Variants in LURAP1L observed in about 807,000 individuals in gnomAD.
LURAP1L encodes the protein leucine rich adaptor protein 1 like.
In LURAP1L, 12 loss-of-function variants were observed where a neutral mutation model predicts 13.8. The ratio of observed to expected loss-of-function variants is 0.87; its 90% CI spans 0.56 to 1.41. The LOEUF (loss-of-function observed/expected upper bound fraction) is 1.41, where lower values mean the gene tolerates loss of function less well. LURAP1L is among the 40% of genes most tolerant of loss of function. The pLI is 0.00. For synonymous variants in LURAP1L, 139 were observed against 119.2 expected (o/e 1.17, Z -1.08); for missense variants, 375 against 292.9 (o/e 1.28, Z -2.04).
Position 12,777,811 on chromosome 9 carries a change from T to C in LURAP1L, c.312+1784T>C, listed in dbSNP as rs1050129769. On this transcript the variant is annotated intron_variant, in intron 1 of 1. Transcript: ENST00000319264. ...ACAACCATGTTGTCCTGTAGAGAAG[T>C]CACAAGTTTTGTGAGAATTTTTAAA... is the stretch of plus-strand genomic sequence containing the variant. 2.6e-5 allele frequency among the ~76,000 whole-genome samples: 4 copies of C among 152,336 alleles called. No homozygotes were observed. In the South Asian group the frequency reaches 8.3e-4, roughly 32 times the overall value.
At chr9:12,792,582 C>G (rs763521820) in intron 1 of LURAP1L, among the ~76,000 whole-genome samples, 3 of 152,062 alleles carry the variant, frequency 2.0e-5, no homozygotes, top group Non-Finnish European at 2.9e-5. Flanking sequence ...ATGGCCTTCT[C>G]CCTGATGTTA....
At chr9:12,797,673 T>G (rs1819527168) in intron 1 of LURAP1L, among the ~76,000 whole-genome samples, 1 of 152,142 alleles carries the variant, frequency 6.6e-6, no homozygotes, top group Non-Finnish European at 1.5e-5. Flanking sequence ...TTGGATTTTA[T>G]TTTAACTTCA....
intron 1 of LURAP1L, among the ~76,000 whole-genome samples, chr9:12,785,973 C>A (rs1423049783): frequency 6.6e-6 from 1 of 152,038 alleles, no homozygotes; most frequent in Non-Finnish European, 1.5e-5. Flanking sequence ...TTTTTCATGT[C>A]TTTGCCTGCA....
chr9:12,818,887 G>A (rs888088476), intron 1 of LURAP1L, among the ~76,000 whole-genome samples: 2 of 152,160 alleles, frequency 1.3e-5, no homozygotes, highest in African/African-American at 4.8e-5. Flanking sequence ...TGTTTTATCA[G>A]CTACAGATGC....
At chr9:12,809,096 C>T (rs959972969) in intron 1 of LURAP1L, among the ~76,000 whole-genome samples, 2 of 152,092 alleles carry the variant, frequency 1.3e-5, no homozygotes, top group African/African-American at 4.8e-5. Context: ...ACAACCAGGA[C>T]TCACATGAAC....
intron 1 of LURAP1L, among the ~76,000 whole-genome samples, chr9:12,786,120 A>C: frequency 6.6e-6 from 1 of 152,076 alleles, no homozygotes; most frequent in East Asian, 1.9e-4. Flanking sequence ...AACACTTTTC[A>C]AGTATTATGT....
intron 1 of LURAP1L, among the ~76,000 whole-genome samples, chr9:12,811,291 T>C (rs1184506384): frequency 6.6e-6 from 1 of 152,226 alleles, no homozygotes; most frequent in Non-Finnish European, 1.5e-5. Flanking sequence ...CTGAATGTTA[T>C]TATCTAAGTT....
intron 1 of LURAP1L, among the ~76,000 whole-genome samples, chr9:12,805,628 C>G (rs1233787581): frequency 6.6e-6 from 1 of 152,172 alleles, no homozygotes; most frequent in Non-Finnish European, 1.5e-5. Flanking sequence ...TTCTACCACT[C>G]AACAAAGAAT....
intron 1 of LURAP1L, among the ~76,000 whole-genome samples, chr9:12,783,345 T>C (rs1201231515): frequency 6.6e-6 from 1 of 152,154 alleles, no homozygotes; most frequent in Admixed American, 6.6e-5. Flanking sequence ...TGTAGGTCTG[T>C]TTATATGGCT....
At chr9:12,789,134 G>C (rs1819405707) in intron 1 of LURAP1L, among the ~76,000 whole-genome samples, 1 of 149,444 alleles carries the variant, frequency 6.7e-6, no homozygotes, top group Non-Finnish European at 1.5e-5. Context: ...TAGATAAATA[G>C]ATACAATAAA....
intron 1 of LURAP1L, among the ~76,000 whole-genome samples, chr9:12,818,687 T>C (rs1190612698): frequency 6.6e-6 from 1 of 151,866 alleles, no homozygotes; most frequent in Non-Finnish European, 1.5e-5. Context: ...ATGGGGAGTA[T>C]TTGGAGAGGA....
intron 1 of LURAP1L, among the ~76,000 whole-genome samples, chr9:12,794,507 T>C (rs1563891380): frequency 6.6e-6 from 1 of 152,038 alleles, no homozygotes; most frequent in Non-Finnish European, 1.5e-5. Flanking sequence ...ACAAATAAAA[T>C]GAGTTAAGTA....
rs563627088 is a variant in LURAP1L at position 12,794,526 on chromosome 9, G to A, written c.312+18499G>A. 8.2e-4 allele frequency among the ~76,000 whole-genome samples: 124 copies of A among 152,138 alleles called. 1 individual carries two copies. The highest frequency in any genetic ancestry group is 2.7e-3 in the African/African-American group (114 of 41,542). Reference sequence around the variant, plus strand: ...ATAAAATGAGTTAAGTATATGCTGAGAATGTCAGATTGGTTCATACACTTG... The same window carrying A: ...ATAAAATGAGTTAAGTATATGCTGAAAATGTCAGATTGGTTCATACACTTG... On this transcript the variant is annotated intron_variant, in intron 1 of 1. Coordinates refer to ENST00000319264, the MANE Select transcript of LURAP1L (RefSeq NM_203403.2).
intron 1 of LURAP1L, among the ~76,000 whole-genome samples, chr9:12,789,776 G>C (rs1819414492): frequency 6.6e-6 from 1 of 152,158 alleles, no homozygotes; most frequent in Non-Finnish European, 1.5e-5. Flanking sequence ...ATAGGACTCA[G>C]ATAGATGTTC....
intron 1 of LURAP1L, among the ~76,000 whole-genome samples, chr9:12,816,442 T>C (rs1026463599): frequency 2.0e-5 from 3 of 152,176 alleles, no homozygotes; most frequent in African/African-American, 7.2e-5. Flanking sequence ...AATAGGAAGA[T>C]AGTGGCAGTG....
chr9:12,810,860 G>C (rs967452252), intron 1 of LURAP1L, among the ~76,000 whole-genome samples: 3 of 152,100 alleles, frequency 2.0e-5, no homozygotes. Context: ...AAAATATTTA[G>C]TCAGTGTTTA....
intron 1 of LURAP1L, among the ~76,000 whole-genome samples, chr9:12,783,155 A>G (rs1331238800): frequency 6.6e-6 from 1 of 152,136 alleles, no homozygotes; most frequent in African/African-American, 2.4e-5. Context: ...TTTGCAAATA[A>G]GAATAATTTG....
chr9:12,776,311 C>G (rs1285329238), intron 1 of LURAP1L, among the ~76,000 whole-genome samples: 1 of 152,170 alleles, frequency 6.6e-6, no homozygotes, highest in African/African-American at 2.4e-5. Flanking sequence ...GCGCCGGGCT[C>G]TATTTAGCTG....
chr9:12,785,127 T>C (rs1176873020), intron 1 of LURAP1L, among the ~76,000 whole-genome samples: 1 of 152,112 alleles, frequency 6.6e-6, no homozygotes, highest in African/African-American at 2.4e-5. Context: ...GGTTCCCTTC[T>C]GGCCCAGGGT....
Sources: gnomAD v4.1 joint callset for allele counts (sites outside exome capture counted in the v4.1 genomes callset) on GRCh38, gnomAD v4.1.1 for gene constraint, MANE v1.5 for transcripts, NCBI Gene and HGNC (gene_info 2026-07-23, HGNC 2026-07-21) for gene names.